Variants in SPRR2G observed in about 807,000 individuals in gnomAD.
The protein encoded by SPRR2G is small proline-rich protein 2G.
A neutral mutation model predicts 0.7 loss-of-function variants in SPRR2G; 1 was observed. The ratio of observed to expected loss-of-function variants is 1.49; its 90% confidence interval spans 0.53 to 7.06. SPRR2G has a LOEUF of 7.06. Among genes scored for constraint, SPRR2G ranks in the 30% most tolerant of loss-of-function variants. The pLI is 0.14. For missense variants in SPRR2G, 96 were observed against 88.5 expected, an observed-to-expected ratio of 1.09 and a Z score of -0.34; for synonymous variants, 38 against 33.9, an observed-to-expected ratio of 1.12 and a Z score of -0.42.
chr1:153,171,178 A>T, the SPRR2G span, among the ~76,000 whole-genome samples: 4 of 152,084 alleles, frequency 2.6e-5, no homozygotes, highest in African/African-American at 9.7e-5. Flanking sequence ...TTTAGCCTAA[A>T]TTTTCCCAGG....
At chr1:153,186,481 T>A in the SPRR2G span, among the ~76,000 whole-genome samples, 3 of 152,240 alleles carry the variant, frequency 2.0e-5, no homozygotes, top group African/African-American at 7.2e-5. Context: ...TCTTTCTTTG[T>A]ATTTTTTGAC....
At chr1:153,164,752 C>A in the SPRR2G span, among the ~76,000 whole-genome samples, 2 of 152,148 alleles carry the variant, frequency 1.3e-5, no homozygotes, top group African/African-American at 4.8e-5. Context: ...ATTCAAGTTT[C>A]GCTTTTTGCA....
In SPRR2G at chr1:153,149,622, A is replaced by G; in HGVS notation, c.*267T>C. On this transcript the variant is annotated 3_prime_UTR_variant, in exon 2 of 2. Transcript: ENST00000368748. ...AACATGTGCTTTATTGGGGAGAAGCAAAAGAATAAACACACTTGCTCTCAG... is the reference window on the plus strand; with the variant it reads ...AACATGTGCTTTATTGGGGAGAAGCGAAAGAATAAACACACTTGCTCTCAG... 2 of 539,784 alleles carry G rather than the reference A, an allele frequency of 3.7e-6. No individual in the cohort carries two copies. Among genetic ancestry groups the G allele is most frequent in the South Asian group, 4.3e-5 (2 of 46,500 alleles). 33.4% of individuals were successfully genotyped at this position (539,784 alleles called of 1,614,324 possible). A position where few individuals can be genotyped will look rare whatever the true frequency, so the allele number is the denominator to read the frequency against.
chr1:153,175,689 T>C, the SPRR2G span, among the ~76,000 whole-genome samples: 1 of 152,222 alleles, frequency 6.6e-6, no homozygotes, highest in Admixed American at 6.5e-5. Context: ...ACCATTTGTT[T>C]TGTTTAATGT....
the SPRR2G span, among the ~76,000 whole-genome samples, chr1:153,156,107 T>A: frequency 3.9e-5 from 6 of 152,200 alleles, no homozygotes; most frequent in African/African-American, 7.2e-5. Flanking sequence ...AAATAATGAT[T>A]TTAGTTTCTA....
the SPRR2G span, among the ~76,000 whole-genome samples, chr1:153,178,383 A>G: frequency 6.6e-6 from 1 of 152,104 alleles, no homozygotes; most frequent in Non-Finnish European, 1.5e-5. Flanking sequence ...GTAAATTGGG[A>G]TATACTTGCC....
the SPRR2G span, among the ~76,000 whole-genome samples, chr1:153,177,862 G>C: frequency 2.0e-5 from 3 of 150,796 alleles, no homozygotes; most frequent in Non-Finnish European, 4.4e-5. Flanking sequence ...GGTCCATTAA[G>C]TCCTCCAAAA....
chr1:153,161,361 T>C, the SPRR2G span, among the ~76,000 whole-genome samples: 1 of 111,590 alleles, frequency 9.0e-6, no homozygotes, highest in African/African-American at 2.8e-5. Flanking sequence ...GTTGGCCATT[T>C]GTATTTCTTC....
chr1:153,201,629 ACT>A, the SPRR2G span, among the ~76,000 whole-genome samples: 2 of 152,106 alleles, frequency 1.3e-5, no homozygotes, highest in African/African-American at 4.8e-5. Flanking sequence ...AAAGACTATG[ACT>A]CTATCGCCAA....
chr1:153,198,975 C>T, the SPRR2G span, among the ~76,000 whole-genome samples: 40 of 152,186 alleles, frequency 2.6e-4, 1 homozygote, highest in East Asian at 6.4e-3. Context: ...CTACCCATGT[C>T]ACAGAGGACC....
At chr1:153,198,567 T>C in the SPRR2G span, among the ~76,000 whole-genome samples, 1 of 152,204 alleles carries the variant, frequency 6.6e-6, no homozygotes, top group East Asian at 1.9e-4. Flanking sequence ...CTGCAGATCC[T>C]GATAGCACAT....
At chr1:153,165,688 G>A in the SPRR2G span, among the ~76,000 whole-genome samples, 4 of 146,566 alleles carry the variant, frequency 2.7e-5, no homozygotes, top group Admixed American at 7.2e-5. Flanking sequence ...GGAAGTGGCA[G>A]AAATAATGAA....
the SPRR2G span, among the ~76,000 whole-genome samples, chr1:153,184,658 A>T: frequency 6.6e-6 from 1 of 152,190 alleles, no homozygotes; most frequent in Non-Finnish European, 1.5e-5. Context: ...AACAGAGACA[A>T]CTTGACTTCC....
the SPRR2G span, among the ~76,000 whole-genome samples, chr1:153,165,911 G>GT: frequency 6.6e-6 from 1 of 152,196 alleles, no homozygotes; most frequent in Non-Finnish European, 1.5e-5. Context: ...ACCAATAGCA[G>GT]TGACAGCCTT....
the SPRR2G span, among the ~76,000 whole-genome samples, chr1:153,171,991 CCTT>C: frequency 7.2e-5 from 11 of 152,184 alleles, no homozygotes; most frequent in African/African-American, 2.7e-4. Context: ...CTTGTTCAGA[CCTT>C]CTTCTTTGGT....
At chr1:153,198,782 G>T in the SPRR2G span, among the ~76,000 whole-genome samples, 1 of 152,270 alleles carries the variant, frequency 6.6e-6, no homozygotes, top group East Asian at 1.9e-4. Flanking sequence ...GTTAGTATTG[G>T]GACCTAAAGC....
upstream of SPRR2G, among the ~76,000 whole-genome samples, chr1:153,155,665 C>T (rs1353708546): frequency 6.6e-6 from 1 of 152,164 alleles, no homozygotes; most frequent in African/African-American, 2.4e-5. Context: ...GCCCTTCCTT[C>T]GCCTCTAGCC....
At chr1:153,168,353 A>C in the SPRR2G span, among the ~76,000 whole-genome samples, 1 of 152,224 alleles carries the variant, frequency 6.6e-6, no homozygotes, top group Non-Finnish European at 1.5e-5. Flanking sequence ...ATCACATAGA[A>C]GTATATCAGG....
At chr1:153,156,501 C>T in the SPRR2G span, among the ~76,000 whole-genome samples, 1 of 152,194 alleles carries the variant, frequency 6.6e-6, no homozygotes, top group African/African-American at 2.4e-5. Flanking sequence ...TTCTTTAGTT[C>T]ATGTCTCCTG....
Sources: gnomAD v4.1 joint callset for allele counts (sites outside exome capture counted in the v4.1 genomes callset) on GRCh38, gnomAD v4.1.1 for gene constraint, MANE v1.5 for transcripts, NCBI Gene and HGNC (gene_info 2026-07-23, HGNC 2026-07-21) for gene names.